The following SLC35F4 variants were observed in gnomAD, a reference collection of about 807,000 sequenced individuals.
The protein encoded by SLC35F4 is chromosome 14 open reading frame 36.
Under a neutral mutation model 44.2 loss-of-function variants are expected in SLC35F4, and 24 were observed. The observed-to-expected ratio is 0.54, with a 90% CI of 0.39 to 0.76. The LOEUF (loss-of-function observed/expected upper bound fraction) is 0.76, where lower values mean the gene tolerates loss of function less well. Ranked by LOEUF, SLC35F4 falls within the 30% of genes least tolerant of loss-of-function variation. The pLI, the probability that SLC35F4 is intolerant of heterozygous loss-of-function variation, is 0.00. For synonymous variants in SLC35F4, 238 were observed against 223.6 expected (o/e 1.06, Z -0.57); for missense variants, 562 against 586.1 (o/e 0.96, Z 0.42).
chr14:57,701,867 C>A (rs904034459), intron 1 of SLC35F4, among the ~76,000 whole-genome samples: 1 of 152,140 alleles, frequency 6.6e-6, no homozygotes, highest in African/African-American at 2.4e-5. Context: ...CTTACCCATT[C>A]TTCAGACCTC....
At chr14:57,945,476 T>TGTGC (rs1890009639) in intron 1 of SLC35F4, among the ~76,000 whole-genome samples, 1 of 149,128 alleles carries the variant, frequency 6.7e-6, no homozygotes, top group Non-Finnish European at 1.5e-5. Context: ...TGTGTGTGTG[T>TGTGC]GTGTGTGTGT....
chr14:57,731,531 G>A (rs1193506574), intron 1 of SLC35F4, among the ~76,000 whole-genome samples: 1 of 152,128 alleles, frequency 6.6e-6, no homozygotes, highest in African/African-American at 2.4e-5. Flanking sequence ...TCCAGTGGCA[G>A]ACATATGGTT....
chr14:57,877,380 C>T (rs1267819727), intron 1 of SLC35F4, among the ~76,000 whole-genome samples: 3 of 152,182 alleles, frequency 2.0e-5, no homozygotes, highest in African/African-American at 7.2e-5. Context: ...ATGTGTACCA[C>T]ATTTTTATTA....
At chr14:57,954,948 TAA>T (rs35919238) in intron 1 of SLC35F4, among the ~76,000 whole-genome samples, 50,595 of 106,396 alleles carry the variant, frequency 0.48, 10,664 homozygotes, top group East Asian at 0.76. Flanking sequence ...TCATCCTGAT[TAA>T]AAAAAAAAAA....
At chr14:57,761,241 C>T (rs887106382) in intron 1 of SLC35F4, among the ~76,000 whole-genome samples, 1 of 152,120 alleles carries the variant, frequency 6.6e-6, no homozygotes, top group African/African-American at 2.4e-5. Context: ...AAGGATAAAG[C>T]TGGTCTCCAT....
intron 1 of SLC35F4, among the ~76,000 whole-genome samples, chr14:57,882,640 T>C (rs533971407): frequency 2.6e-5 from 4 of 152,138 alleles, no homozygotes; most frequent in Non-Finnish European, 5.9e-5. Flanking sequence ...ACAAATTACC[T>C]CTCTCCACAA....
intron 1 of SLC35F4, among the ~76,000 whole-genome samples, chr14:57,764,730 G>T (rs1406873407): frequency 6.6e-6 from 1 of 152,178 alleles, no homozygotes; most frequent in Non-Finnish European, 1.5e-5. Context: ...TTGGTTTAGA[G>T]CAAGAAAAGC....
At chr14:57,738,459 G>A (rs62003378) in intron 1 of SLC35F4, among the ~76,000 whole-genome samples, 5,223 of 151,980 alleles carry the variant, frequency 0.034, 128 homozygotes, top group South Asian at 0.06. Flanking sequence ...CTTCTGTACT[G>A]CACATGGGTT....
At chr14:57,570,070 C>T (rs1187605158) in intron 5 of SLC35F4, 90 bp from the exon 6 acceptor site, 2 of 1,219,436 alleles carry the variant, frequency 1.6e-6, no homozygotes, top group East Asian at 2.7e-5. Context: ...AGCTAACTGG[C>T]CCAGAGTTTA....
chr14:57,710,734 G>T (rs551593160), intron 1 of SLC35F4, among the ~76,000 whole-genome samples: 35 of 152,214 alleles, frequency 2.3e-4, no homozygotes, highest in African/African-American at 7.9e-4. Flanking sequence ...CTGCCCTATT[G>T]AATTTTGGAC....
chr14:57,756,556 A>G (rs1015648038), intron 1 of SLC35F4, among the ~76,000 whole-genome samples: 6 of 151,762 alleles, frequency 4.0e-5, no homozygotes, highest in African/African-American at 1.2e-4. Context: ...TATAAATGTT[A>G]TATAACATAT....
intron 1 of SLC35F4, among the ~76,000 whole-genome samples, chr14:57,859,231 T>C (rs1887462835): frequency 6.6e-6 from 1 of 152,220 alleles, no homozygotes; most frequent in Non-Finnish European, 1.5e-5. Flanking sequence ...ATTAAAGTGC[T>C]CGCATATATG....
At chr14:57,789,974 A>C (rs1344207002) in intron 1 of SLC35F4, among the ~76,000 whole-genome samples, 2 of 152,178 alleles carry the variant, frequency 1.3e-5, no homozygotes, top group Non-Finnish European at 2.9e-5. Flanking sequence ...TCAAGAAACT[A>C]GGTACTGATG....
chr14:57,926,586 T>C (rs1335029002), intron 1 of SLC35F4, among the ~76,000 whole-genome samples: 1 of 152,154 alleles, frequency 6.6e-6, no homozygotes, highest in Non-Finnish European at 1.5e-5. Context: ...TATGTGCCAC[T>C]GCTTTTCATG....
At chr14:57,756,358 A>C (rs2076994087) in intron 1 of SLC35F4, among the ~76,000 whole-genome samples, 1 of 152,112 alleles carries the variant, frequency 6.6e-6, no homozygotes. Flanking sequence ...TTAGTCTCCA[A>C]ATATTGACAA....
rs1314781424 is a variant in SLC35F4, at chr14:57,727,595, T to A, written c.104-133471A>T. Among the ~76,000 whole-genome samples, 4 of 152,302 alleles carry A rather than the reference T, an allele frequency of 2.6e-5. No homozygotes were observed. The East Asian group carries it at 5.8e-4, about 22-fold the overall frequency. On this transcript the variant is annotated intron_variant, in intron 1 of 7. Coordinates refer to ENST00000556826, the MANE Select transcript of SLC35F4 (RefSeq NM_001306087.2). ...TAGGTTTTGGTATGTGGTGTTTCCATTATCATTTGTTTCAACACAATTTCC... is the reference window on the plus strand; with the variant it reads ...TAGGTTTTGGTATGTGGTGTTTCCAATATCATTTGTTTCAACACAATTTCC...
chr14:57,708,374 T>A (rs2075730712), intron 1 of SLC35F4, among the ~76,000 whole-genome samples: 1 of 152,206 alleles, frequency 6.6e-6, no homozygotes, highest in African/African-American at 2.4e-5. Context: ...GGAGACTGAT[T>A]TGAGTAATAA....
At chr14:57,696,864 A>G (rs1392168629) in intron 1 of SLC35F4, among the ~76,000 whole-genome samples, 1 of 152,192 alleles carries the variant, frequency 6.6e-6, no homozygotes, top group Non-Finnish European at 1.5e-5. Context: ...TGGGAACTGA[A>G]CAATGAGAAC....
At chr14:57,646,899 C>T (rs143561804) in intron 1 of SLC35F4, among the ~76,000 whole-genome samples, 20,233 of 152,168 alleles carry the variant, frequency 0.13, 1,600 homozygotes, top group East Asian at 0.22. Flanking sequence ...CATTCAGGAG[C>T]AGGTTGTTCA....
Sources: gnomAD v4.1 joint callset for allele counts (sites outside exome capture counted in the v4.1 genomes callset) on GRCh38, gnomAD v4.1.1 for gene constraint, MANE v1.5 for transcripts, NCBI Gene and HGNC (gene_info 2026-07-23, HGNC 2026-07-21) for gene names.